PM20D2: variants seen among roughly 807,000 people sequenced by gnomAD.
The protein encoded by PM20D2 is xaa-Arg dipeptidase.
PM20D2 carries 33 observed loss-of-function variants against 42.9 expected under a neutral mutation model. The observed-to-expected ratio is 0.77, with a 90% CI of 0.58 to 1.03. PM20D2 has a LOEUF of 1.03. Ranked by LOEUF, PM20D2 falls within the 50% of genes least tolerant of loss-of-function variation. The pLI is 0.00. For synonymous variants in PM20D2, 250 were observed against 228.2 expected, an observed-to-expected ratio of 1.10 and a Z score of -0.86; for missense variants, 548 against 557.0, an observed-to-expected ratio of 0.98 and a Z score of 0.16.
chr6:89,132,849 A>G, the PM20D2 span, among the ~76,000 whole-genome samples: 2 of 150,850 alleles, frequency 1.3e-5, no homozygotes, highest in Admixed American at 6.6e-5. Flanking sequence ...AGAAAAAAAG[A>G]AAGTAAAGAC....
intron 2 of PM20D2, among the ~76,000 whole-genome samples, chr6:89,150,004 G>C (rs1382150916): frequency 6.6e-6 from 1 of 152,104 alleles, no homozygotes; most frequent in East Asian, 1.9e-4. Flanking sequence ...GAAGTGGTTT[G>C]GATTTTTTAT....
chr6:89,117,760 C>G, the PM20D2 span: 18 of 1,480,382 alleles, frequency 1.2e-5, no homozygotes, highest in Non-Finnish European at 1.6e-5. Flanking sequence ...CGGCCGTGCT[C>G]CGCGGCGCGG....
chr6:89,150,844 T>C (rs867569807), intron 2 of PM20D2, among the ~76,000 whole-genome samples: 9 of 150,382 alleles, frequency 6.0e-5, no homozygotes, highest in South Asian at 4.4e-4. Flanking sequence ...CTGGCCTTCA[T>C]TGGTCATCTT....
At chr6:89,095,116 T>C in the PM20D2 span, among the ~76,000 whole-genome samples, 2 of 152,292 alleles carry the variant, frequency 1.3e-5, no homozygotes, top group South Asian at 2.1e-4. Context: ...GAAGATACCC[T>C]GCACCAGACA....
chr6:89,114,639 T>C, the PM20D2 span, among the ~76,000 whole-genome samples: 1 of 151,072 alleles, frequency 6.6e-6, no homozygotes, highest in Non-Finnish European at 1.5e-5. Context: ...GAAAAGGAAA[T>C]CAGTCAATCT....
chr6:89,161,473 C>T lies in PM20D2; in HGVS notation c.1049-310C>T, dbSNP rs149533505. ...TCAGAGAGGCAGAAGGGAAGCCATG[C>T]AAGTGCTGTGTCACAGAAGAGAAGA... On this transcript the variant is annotated intron_variant, in intron 5 of 6. Transcript: ENST00000275072. Among the ~76,000 whole-genome samples the T allele has an allele frequency of 3.8e-3, 572 of 152,236 alleles. 8 individuals carry two copies. The highest frequency in any genetic ancestry group is 0.013 in the African/African-American group (537 of 41,542).
the PM20D2 span, among the ~76,000 whole-genome samples, chr6:89,119,997 A>G: frequency 6.6e-6 from 1 of 152,158 alleles, no homozygotes; most frequent in African/African-American, 2.4e-5. Flanking sequence ...CCTCACAATC[A>G]TGGTGTAGGG....
chr6:89,158,334 A>C lies in PM20D2; in HGVS notation c.922A>C (p.Lys308Gln), dbSNP rs1334110977. ...ALASGCTVEI[K>Q]GGAHDYYNVL... ...TGCAATTTTTTATTAGGTGGAAATT[A>C]AAGGTGGAGCACATGATTATTACAA... Residue 308 changes from lysine to glutamine, a missense_variant, in exon 5 of 7, where the codon AAA becomes CAA. Transcript: ENST00000275072. The C allele has an allele frequency of 7.0e-6, 11 of 1,570,352 alleles. No homozygotes were observed. Among genetic ancestry groups the C allele is most frequent in the Non-Finnish European group, 8.6e-6 (10 of 1,165,136 alleles).
the PM20D2 span, among the ~76,000 whole-genome samples, chr6:89,121,750 C>T: frequency 1.2e-4 from 18 of 152,186 alleles, no homozygotes; most frequent in Non-Finnish European, 1.9e-4. Flanking sequence ...CTCATTTTTA[C>T]ATGAGAGTTT....
At chr6:89,123,510 C>T in the PM20D2 span, among the ~76,000 whole-genome samples, 4 of 147,912 alleles carry the variant, frequency 2.7e-5, no homozygotes, top group Admixed American at 2.0e-4. Flanking sequence ...TGCATAAGGG[C>T]AGGAGTTTGA....
At chr6:89,162,068 TTAAA>T (rs777794649) in intron 6 of PM20D2, 37 bp from the exon 7 acceptor site, 941 of 1,589,810 alleles carry the variant, frequency 5.9e-4, no homozygotes, top group South Asian at 8.5e-4. Flanking sequence ...TAAATACAGC[TTAAA>T]TAAGTAAGGA....
chr6:89,160,166 A>G (rs1050767693), intron 5 of PM20D2, among the ~76,000 whole-genome samples: 12 of 152,062 alleles, frequency 7.9e-5, no homozygotes, highest in African/African-American at 2.9e-4. Flanking sequence ...ATTACTGTGC[A>G]TCCTCAGTGT....
chr6:89,106,948 G>C, the PM20D2 span: 1 of 611,466 alleles, frequency 1.6e-6, no homozygotes, highest in Non-Finnish European at 3.0e-6. Context: ...TCGCCTGCTG[G>C]GTTTATGCTT....
chr6:89,143,937 A>C (rs1277897134), upstream of PM20D2, among the ~76,000 whole-genome samples: 1 of 152,260 alleles, frequency 6.6e-6, no homozygotes, highest in Non-Finnish European at 1.5e-5. Context: ...ATAATCAGCC[A>C]ACAAATATTT....
At chr6:89,100,296 T>G in the PM20D2 span, among the ~76,000 whole-genome samples, 3 of 152,068 alleles carry the variant, frequency 2.0e-5, no homozygotes, top group African/African-American at 7.2e-5. Context: ...AAAAGGTCAA[T>G]GAGGAACATT....
the PM20D2 span, among the ~76,000 whole-genome samples, chr6:89,131,511 G>A: frequency 7.0e-6 from 1 of 142,906 alleles, no homozygotes; most frequent in Non-Finnish European, 1.5e-5. Flanking sequence ...AACATAACAA[G>A]ACCCTGTCTC....
chr6:89,116,439 C>A, the PM20D2 span, among the ~76,000 whole-genome samples: 1 of 152,122 alleles, frequency 6.6e-6, no homozygotes, highest in African/African-American at 2.4e-5. Context: ...GATATATTAA[C>A]CACAACATAT....
rs74506090 is a variant in PM20D2 at position 89,146,383 on chromosome 6, A to G, written c.239A>G (p.His80Arg). The change falls in exon 1 of 7, where the codon CAC (histidine) becomes CGC (arginine). Residue 80 changes from histidine to arginine, a missense_variant. Transcript: ENST00000275072. Reference protein sequence around the residue: ...PPAASWAVQPHYQLPTAFRAE... With the variant: ...PPAASWAVQPRYQLPTAFRAE... ...GCGGCCTCCTGGGCAGTGCAGCCGCACTACCAGCTGCCCACGGCCTTCCGC... is the reference window on the plus strand; with the variant it reads ...GCGGCCTCCTGGGCAGTGCAGCCGCGCTACCAGCTGCCCACGGCCTTCCGC... 2 of 1,535,318 alleles carry G rather than the reference A, an allele frequency of 1.3e-6. No individual in the cohort carries two copies. The highest frequency in any genetic ancestry group is 1.7e-6 in the Non-Finnish European group (2 of 1,148,530).
chr6:89,128,140 A>G, the PM20D2 span, among the ~76,000 whole-genome samples: 1 of 152,198 alleles, frequency 6.6e-6, no homozygotes, highest in Non-Finnish European at 1.5e-5. Flanking sequence ...AAAGAGCCAT[A>G]TTTTTCTTCT....
Sources: gnomAD v4.1 joint callset for allele counts (sites outside exome capture counted in the v4.1 genomes callset) on GRCh38, gnomAD v4.1.1 for gene constraint, MANE v1.5 for transcripts, NCBI Gene and HGNC (gene_info 2026-07-23, HGNC 2026-07-21) for gene names.